Variants in MARK3 observed in about 807,000 individuals in gnomAD.
MARK3 encodes the protein MAP/microtubule affinity-regulating kinase 3.
In MARK3, 46 loss-of-function variants were observed where a neutral mutation model predicts 90.1. The observed-to-expected ratio is 0.51, with a 90% confidence interval of 0.40 to 0.65. The LOEUF is 0.65. Among genes scored for constraint, MARK3 ranks in the 30% least tolerant of loss-of-function variants. The pLI, the probability that MARK3 is intolerant of heterozygous loss-of-function variation, is 0.00. For synonymous variants in MARK3, 321 were observed against 332.6 expected, an observed-to-expected ratio of 0.97 and a Z score of 0.38; for missense variants, 818 against 947.2, an observed-to-expected ratio of 0.86 and a Z score of 1.79.
chr14:103,393,384 C>CTAAGGCCAGAGGATCACT (rs2090388739), intron 1 of MARK3, among the ~76,000 whole-genome samples: 1 of 152,074 alleles, frequency 6.6e-6, no homozygotes, highest in African/African-American at 2.4e-5. Context: ...ACTCAGGAGG[C>CTAAGGCCAGAGGATCACT]TAAGGCCAGA....
chr14:103,483,154 C>T (rs868733189), intron 14 of MARK3, among the ~76,000 whole-genome samples: 26 of 152,212 alleles, frequency 1.7e-4, no homozygotes, highest in Non-Finnish European at 3.7e-4. Context: ...ATGACTTCTT[C>T]GGCAAATTGT....
intron 3 of MARK3, among the ~76,000 whole-genome samples, chr14:103,438,013 T>C (rs60235428): frequency 0.34 from 52,031 of 151,950 alleles, 9,379 homozygotes; most frequent in East Asian, 0.5. Flanking sequence ...TCTTTTTTTT[T>C]CTTTGAGACA....
At chr14:103,475,780 A>G (rs1490859760) in intron 13 of MARK3, among the ~76,000 whole-genome samples, 3 of 152,124 alleles carry the variant, frequency 2.0e-5, no homozygotes, top group East Asian at 1.9e-4. Flanking sequence ...CGCCATCTCT[A>G]CTAAAAATAC....
At chr14:103,423,582 A>T (rs534792075) in intron 2 of MARK3, among the ~76,000 whole-genome samples, 2 of 152,132 alleles carry the variant, frequency 1.3e-5, no homozygotes, top group Non-Finnish European at 2.9e-5. Flanking sequence ...AGGCACTGCA[A>T]TCGGGGATAC....
intron 6 of MARK3, among the ~76,000 whole-genome samples, chr14:103,460,073 C>CTTTTTTTT (rs571611660): frequency 0.024 from 1,017 of 41,714 alleles, 289 homozygotes; most frequent in African/African-American, 0.04. Flanking sequence ...CCAGCTCCAT[C>CTTTTTTTT]TTTTTTTTTT....
chr14:103,426,515 C>T (rs1302039340), intron 2 of MARK3, among the ~76,000 whole-genome samples: 1 of 152,094 alleles, frequency 6.6e-6, no homozygotes, highest in Non-Finnish European at 1.5e-5. Flanking sequence ...AGCACAGCCT[C>T]TTTGATCTTA....
At chr14:103,496,159 A>G (rs1278427032) in intron 15 of MARK3, among the ~76,000 whole-genome samples, 2 of 152,244 alleles carry the variant, frequency 1.3e-5, no homozygotes, top group Admixed American at 6.5e-5. Context: ...CCATGTTGCC[A>G]TGGGCAGTGT....
chr14:103,491,291 C>T, intron 14 of MARK3: 1 of 246,842 alleles, frequency 4.1e-6, no homozygotes, highest in Non-Finnish European at 7.6e-6. Context: ...GTCTTCGTGC[C>T]TTCGCGTACT....
At chr14:103,399,481 G>A (rs11844177) in intron 1 of MARK3, among the ~76,000 whole-genome samples, 2,017 of 152,068 alleles carry the variant, frequency 0.013, 43 homozygotes, top group African/African-American at 0.045. Context: ...AGGCCAAGGC[G>A]GGTGGATCAC....
intron 14 of MARK3, among the ~76,000 whole-genome samples, chr14:103,482,300 C>T (rs1435250358): frequency 6.6e-6 from 1 of 151,658 alleles, no homozygotes; most frequent in African/African-American, 2.4e-5. Context: ...GCAGGTGGAT[C>T]ACTTGAGGTC....
At chr14:103,398,544 G>A (rs1401410170) in intron 1 of MARK3, among the ~76,000 whole-genome samples, 1 of 152,126 alleles carries the variant, frequency 6.6e-6, no homozygotes, top group Non-Finnish European at 1.5e-5. Flanking sequence ...ATTTTGTGGG[G>A]GCTTTTTGGT....
intron 16 of MARK3, 104 bp downstream of exon 16, chr14:103,498,632 T>G (rs2075480553): frequency 1.8e-6 from 2 of 1,100,836 alleles, no homozygotes; most frequent in African/African-American, 1.6e-5. Flanking sequence ...CCTTATAAAC[T>G]AAACTTTCTG....
intron 2 of MARK3, among the ~76,000 whole-genome samples, chr14:103,420,468 T>G (rs564702867): frequency 6.6e-6 from 1 of 152,182 alleles, no homozygotes; most frequent in Non-Finnish European, 1.5e-5. Flanking sequence ...TGGGCTAAAG[T>G]GATCCTTCTG....
intron 3 of MARK3, among the ~76,000 whole-genome samples, chr14:103,448,050 G>A (rs1011740952): frequency 6.6e-6 from 1 of 152,230 alleles, no homozygotes; most frequent in East Asian, 1.9e-4. Flanking sequence ...TGGGATTACA[G>A]GTGTGAGCCA....
At chr14:103,473,122 A>G (rs2093659066) in intron 12 of MARK3, among the ~76,000 whole-genome samples, 2 of 152,222 alleles carry the variant, frequency 1.3e-5, no homozygotes, top group Non-Finnish European at 2.9e-5. Context: ...TTCATATAAC[A>G]TTCTTGAAAT....
At chr14:103,407,841 A>G (rs1474871595) in intron 2 of MARK3, among the ~76,000 whole-genome samples, 4 of 151,980 alleles carry the variant, frequency 2.6e-5, no homozygotes, top group South Asian at 2.1e-4. Context: ...TTGCAGGTGT[A>G]AGCCAGCGTG....
chr14:103,464,800 G>A (rs2093472639), intron 7 of MARK3, among the ~76,000 whole-genome samples: 1 of 150,466 alleles, frequency 6.6e-6, no homozygotes, highest in African/African-American at 2.5e-5. Flanking sequence ...AGGCTTAAGA[G>A]GTCCTCCTAC....
chr14:103,498,761 A>G (rs556665796), intron 16 of MARK3: 34 of 270,534 alleles, frequency 1.3e-4, no homozygotes, highest in Middle Eastern at 8.8e-4. Context: ...TGCTCTGTGT[A>G]TTTTCTTTCT....
At chr14:103,478,101 C>G (rs1238909684) in intron 13 of MARK3, among the ~76,000 whole-genome samples, 1 of 151,904 alleles carries the variant, frequency 6.6e-6, no homozygotes, top group Non-Finnish European at 1.5e-5. Flanking sequence ...TCAAGACCAG[C>G]CTGGCCATCA....
Sources: gnomAD v4.1 joint callset for allele counts (sites outside exome capture counted in the v4.1 genomes callset) on GRCh38, gnomAD v4.1.1 for gene constraint, MANE v1.5 for transcripts, NCBI Gene and HGNC (gene_info 2026-07-23, HGNC 2026-07-21) for gene names.